The following MAP3K5 variants were observed in gnomAD, a reference collection of about 807,000 sequenced individuals.
MAP3K5 encodes mitogen-activated protein kinase kinase kinase 5, also known as ASK-1.
Under a neutral mutation model 158.7 loss-of-function variants are expected in MAP3K5, and 56 were observed. The ratio of observed to expected loss-of-function variants is 0.35; its 90% CI spans 0.28 to 0.44. MAP3K5 has a LOEUF of 0.44. MAP3K5 is among the 20% of genes least tolerant of loss of function. MAP3K5 has a pLI of 1.00. For missense variants in MAP3K5, 1,294 were observed against 1,674.8 expected (o/e 0.77, Z 3.97); for synonymous variants, 579 against 601.7 (o/e 0.96, Z 0.55).
chr6:136,586,615 C>T (rs1039912896), intron 23 of MAP3K5, among the ~76,000 whole-genome samples: 2 of 152,204 alleles, frequency 1.3e-5, no homozygotes, highest in African/African-American at 4.8e-5. Flanking sequence ...ATTTCCTGCA[C>T]TCCTAGTACC....
chr6:136,734,788 A>T (rs1433961928), intron 1 of MAP3K5, among the ~76,000 whole-genome samples: 5 of 152,186 alleles, frequency 3.3e-5, no homozygotes, highest in Non-Finnish European at 7.4e-5. Context: ...TGCTTCAGTG[A>T]AGTTCCTCGG....
At chr6:136,781,056 T>C (rs1193345927) in intron 1 of MAP3K5, among the ~76,000 whole-genome samples, 3 of 152,228 alleles carry the variant, frequency 2.0e-5, no homozygotes, top group Non-Finnish European at 2.9e-5. Context: ...AGTAGGAATA[T>C]GCTATCACAT....
At chr6:136,751,718 T>C (rs1416224513) in intron 1 of MAP3K5, among the ~76,000 whole-genome samples, 1 of 152,238 alleles carries the variant, frequency 6.6e-6, no homozygotes, top group African/African-American at 2.4e-5. Flanking sequence ...GAGTATGATT[T>C]GCTAATGCAG....
At chr6:136,713,239 C>T (rs935110938) in intron 2 of MAP3K5, among the ~76,000 whole-genome samples, 40 of 152,238 alleles carry the variant, frequency 2.6e-4, no homozygotes, top group African/African-American at 9.4e-4. Flanking sequence ...CATAGGCCTA[C>T]GACCAGAGTC....
chr6:136,765,103 A>C (rs1191644390), intron 1 of MAP3K5, among the ~76,000 whole-genome samples: 2 of 152,230 alleles, frequency 1.3e-5, no homozygotes, highest in Admixed American at 6.5e-5. Context: ...CAAATGTATA[A>C]GACAGTACAG....
At chr6:136,709,350 C>G (rs193173237) in intron 2 of MAP3K5, among the ~76,000 whole-genome samples, 31 of 152,290 alleles carry the variant, frequency 2.0e-4, no homozygotes, top group African/African-American at 6.3e-4. Flanking sequence ...TCACTTCTCT[C>G]TAATGTGACA....
chr6:136,745,297 T>C (rs545948562), intron 1 of MAP3K5, among the ~76,000 whole-genome samples: 73 of 152,174 alleles, frequency 4.8e-4, no homozygotes, highest in Non-Finnish European at 9.6e-4. Context: ...AATATAATCA[T>C]GTATTTCACC....
At chr6:136,752,678 C>T (rs894536451) in intron 1 of MAP3K5, among the ~76,000 whole-genome samples, 3 of 152,194 alleles carry the variant, frequency 2.0e-5, no homozygotes, top group African/African-American at 7.2e-5. Flanking sequence ...TCCCAGAGTG[C>T]TGGGATTATG....
At chr6:136,695,479 CA>C (rs1780566107) in intron 6 of MAP3K5, among the ~76,000 whole-genome samples, 1 of 152,140 alleles carries the variant, frequency 6.6e-6, no homozygotes, top group Non-Finnish European at 1.5e-5. Context: ...AAAAAGGTAT[CA>C]TTTCTATTCT....
rs576868761 is a variant in MAP3K5, at chr6:136,675,210, A to G, written c.1254-5815T>C. On this transcript the variant is annotated intron_variant, in intron 7 of 29. Transcript: ENST00000359015. ...TATACAGAAAAAAATGCACAGAACT[A>G]AAAAAGCAGATATAGAAATCTACAA... Among the ~76,000 whole-genome samples the G allele has an allele frequency of 2.0e-5, 3 of 152,182 alleles. No individual in the cohort carries two copies. The South Asian group carries it at 6.2e-4, about 32-fold the overall frequency.
chr6:136,665,195 A>G (rs9494553), intron 8 of MAP3K5, among the ~76,000 whole-genome samples: 2 of 152,202 alleles, frequency 1.3e-5, no homozygotes, highest in African/African-American at 4.8e-5. Context: ...CTTTTAGTTC[A>G]AATTGATGAT....
At chr6:136,768,515 G>T (rs896323434) in intron 1 of MAP3K5, among the ~76,000 whole-genome samples, 1 of 152,188 alleles carries the variant, frequency 6.6e-6, no homozygotes, top group African/African-American at 2.4e-5. Flanking sequence ...CATCCACTAG[G>T]ATGGCTTAAT....
chr6:136,732,783 C>A (rs1220906301), intron 1 of MAP3K5, among the ~76,000 whole-genome samples: 1 of 152,106 alleles, frequency 6.6e-6, no homozygotes, highest in Non-Finnish European at 1.5e-5. Flanking sequence ...TGTAAGCCTC[C>A]TAAGCATCAA....
intron 26 of MAP3K5, among the ~76,000 whole-genome samples, chr6:136,564,170 T>C (rs1830635199): frequency 6.6e-6 from 1 of 152,220 alleles, no homozygotes. Context: ...TGTTCCTTGC[T>C]ACCTCAGTCC....
intron 1 of MAP3K5, among the ~76,000 whole-genome samples, chr6:136,744,687 G>C (rs1052485175): frequency 2.0e-5 from 3 of 152,092 alleles, no homozygotes; most frequent in African/African-American, 7.2e-5. Context: ...GAGAAGTTAC[G>C]GCTCAATGAA....
chr6:136,785,674 G>A (rs941906907), intron 1 of MAP3K5, among the ~76,000 whole-genome samples: 20 of 152,096 alleles, frequency 1.3e-4, no homozygotes, highest in Admixed American at 1.2e-3. Flanking sequence ...ACAGCATCCC[G>A]GTTCTCCCTG....
chr6:136,789,983 C>T (rs9494571), intron 1 of MAP3K5, among the ~76,000 whole-genome samples: 92,353 of 151,978 alleles, frequency 0.61, 28,152 homozygotes, highest in African/African-American at 0.66. Context: ...TGAGCCACCA[C>T]GCCTGGCCCA....
In MAP3K5 at chr6:136,739,195, G is replaced by C. The variant is rs115219959; in HGVS notation, c.449-18606C>G. 1.0e-3 allele frequency among the ~76,000 whole-genome samples: 154 copies of C among 152,028 alleles called. 1 individual carries two copies. The highest frequency in any genetic ancestry group is 3.5e-3 in the African/African-American group (144 of 41,508). The stretch of plus-strand genomic sequence containing the variant: ...AATAAAGGGATGTAGAAGTAAATGT[G>C]GCCTATCAGTAGTCAGTGCTGACCA... On this transcript the variant is annotated intron_variant, in intron 1 of 29. Transcript: ENST00000359015.
intron 2 of MAP3K5, among the ~76,000 whole-genome samples, chr6:136,708,395 A>G (rs1781165737): frequency 6.6e-6 from 1 of 152,038 alleles, no homozygotes; most frequent in Non-Finnish European, 1.5e-5. Context: ...AGCTGGGACC[A>G]CAGGTGCCTG....
Sources: allele counts gnomAD v4.1 joint callset (sites outside exome capture counted in the v4.1 genomes callset), GRCh38; gene constraint gnomAD v4.1.1; transcripts MANE v1.5; gene names NCBI Gene and HGNC (gene_info 2026-07-23, HGNC 2026-07-21).